PABPC4L: variants seen among roughly 807,000 people sequenced by gnomAD.
The protein encoded by PABPC4L is poly(A) binding protein cytoplasmic 4 like, also known as polyadenylate-binding protein 4-like.
For missense variants in PABPC4L, 452 were observed against 451.4 expected, an observed-to-expected ratio of 1.00 and a Z score of -0.01; for synonymous variants, 169 against 164.1, an observed-to-expected ratio of 1.03 and a Z score of -0.23.
the PABPC4L span, among the ~76,000 whole-genome samples, chr4:133,981,204 G>A: frequency 2.0e-5 from 3 of 151,980 alleles, no homozygotes; most frequent in Non-Finnish European, 2.9e-5. Flanking sequence ...GATCCACTAT[G>A]TTGAGTAAAG....
At position 134,200,092 on chromosome 4, in the gene PABPC4L, G is replaced by A; in HGVS notation, c.928C>T (p.Arg310Ter). The A allele has an allele frequency of 6.4e-7, 1 of 1,551,594 alleles. No homozygotes were observed. Among genetic ancestry groups the A allele is most frequent in the Non-Finnish European group, 8.7e-7 (1 of 1,146,956 alleles). ...GATCCAAATGAAGAAAATTCGTTTCGTAGTTTTTCATCATCGATGGTGTCA... is the reference window on the plus strand; with the variant it reads ...GATCCAAATGAAGAAAATTCGTTTCATAGTTTTTCATCATCGATGGTGTCA... ...LDDTIDDEKL[R>*]NEFSSFGSIS... The change falls in exon 2 of 2, where the codon CGA becomes TGA. Residue 310 changes from arginine (R) to a stop codon, truncating the protein, a stop_gained. Transcript: ENST00000421491. LOFTEE classifies it low-confidence loss of function (END_TRUNC).
chr4:134,175,441 T>C, the PABPC4L span, among the ~76,000 whole-genome samples: 2 of 152,016 alleles, frequency 1.3e-5, no homozygotes, highest in South Asian at 2.1e-4. Flanking sequence ...ATTAATTAAT[T>C]AATCAATCAA....
the PABPC4L span, among the ~76,000 whole-genome samples, chr4:134,018,481 C>T: frequency 3.3e-5 from 5 of 152,134 alleles, no homozygotes; most frequent in Non-Finnish European, 5.9e-5. Flanking sequence ...TAGTACCCAA[C>T]AGGTACTTTT....
chr4:133,993,499 G>A, the PABPC4L span, among the ~76,000 whole-genome samples: 7 of 152,040 alleles, frequency 4.6e-5, no homozygotes, highest in African/African-American at 1.4e-4. Context: ...AGTGAGAATT[G>A]GTATCAACAG....
At chr4:133,981,377 G>A in the PABPC4L span, among the ~76,000 whole-genome samples, 1 of 151,976 alleles carries the variant, frequency 6.6e-6, no homozygotes, top group Non-Finnish European at 1.5e-5. Flanking sequence ...ATCTTGTATT[G>A]ACTGAAAAAT....
the PABPC4L span, among the ~76,000 whole-genome samples, chr4:133,988,890 T>A: frequency 1.3e-5 from 2 of 152,152 alleles, no homozygotes; most frequent in Non-Finnish European, 2.9e-5. Context: ...GAAGTCTAGG[T>A]GGAGGTTCCC....
chr4:134,193,443 GACTT>G (rs1200755034), downstream of PABPC4L, among the ~76,000 whole-genome samples: 1 of 151,808 alleles, frequency 6.6e-6, no homozygotes, highest in Non-Finnish European at 1.5e-5. Context: ...TTTTCCAAGA[GACTT>G]ACTCTTTTTC....
At chr4:133,973,747 C>T in the PABPC4L span, among the ~76,000 whole-genome samples, 19 of 152,232 alleles carry the variant, frequency 1.2e-4, 1 homozygote, top group Admixed American at 1.2e-3. Context: ...TCAGTGTTAA[C>T]AATGCATATA....
chr4:134,080,009 A>G, the PABPC4L span, among the ~76,000 whole-genome samples: 2 of 152,126 alleles, frequency 1.3e-5, no homozygotes, highest in South Asian at 2.1e-4. Flanking sequence ...TTTATTATAA[A>G]TTACTTTTAA....
the PABPC4L span, among the ~76,000 whole-genome samples, chr4:134,158,104 T>C: frequency 6.6e-6 from 1 of 151,890 alleles, no homozygotes; most frequent in Non-Finnish European, 1.5e-5. Context: ...GTAAATGAAA[T>C]TAAATTTTAC....
rs533037934 is a variant in PABPC4L at position 134,199,685 on chromosome 4, A to T, written c.*222T>A. On this transcript the variant is annotated 3_prime_UTR_variant, in exon 2 of 2. Coordinates refer to ENST00000421491, the MANE Select transcript of PABPC4L (RefSeq NM_001114734.2). ...TATCAAAATAAGAAAAATGTGCAAT[A>T]TTAAAATTAGAAAATGTGCCTCTGT... 27 of 527,610 alleles carry T rather than the reference A, an allele frequency of 5.1e-5. No homozygotes were observed. Among genetic ancestry groups the T allele is most frequent in the African/African-American group, 4.8e-4 (25 of 51,768 alleles). 32.7% of individuals were successfully genotyped at this position (527,610 alleles called of 1,614,324 possible).
chr4:134,128,438 A>G, the PABPC4L span, among the ~76,000 whole-genome samples: 1 of 152,158 alleles, frequency 6.6e-6, no homozygotes, highest in Non-Finnish European at 1.5e-5. Context: ...CTATAAAGGA[A>G]AATCAACTGC....
the PABPC4L span, among the ~76,000 whole-genome samples, chr4:134,133,125 T>TATTA: frequency 5.8e-5 from 1 of 17,252 alleles, no homozygotes; most frequent in African/African-American, 5.9e-4. Context: ...ATATAATATA[T>TATTA]CATATTACAT....
At chr4:134,158,677 A>C in the PABPC4L span, among the ~76,000 whole-genome samples, 1 of 152,260 alleles carries the variant, frequency 6.6e-6, no homozygotes, top group South Asian at 2.1e-4. Flanking sequence ...AAAGTATAAT[A>C]GCTTTGCTAG....
the PABPC4L span, among the ~76,000 whole-genome samples, chr4:134,182,628 G>C: frequency 1.3e-5 from 2 of 151,878 alleles, no homozygotes; most frequent in African/African-American, 4.8e-5. Context: ...AAGAGTTTTT[G>C]CACAGGAAAA....
the PABPC4L span, among the ~76,000 whole-genome samples, chr4:134,143,277 A>G: frequency 1.3e-5 from 2 of 150,214 alleles, no homozygotes; most frequent in Non-Finnish European, 1.5e-5. Flanking sequence ...AAGCATACTA[A>G]ATATAATAAA....
At chr4:134,121,752 C>T in the PABPC4L span, among the ~76,000 whole-genome samples, 3 of 151,696 alleles carry the variant, frequency 2.0e-5, no homozygotes, top group South Asian at 2.1e-4. Flanking sequence ...TGAGGACTAA[C>T]GCCATGCTGA....
chr4:134,069,647 GT>G, the PABPC4L span, among the ~76,000 whole-genome samples: 1 of 152,118 alleles, frequency 6.6e-6, no homozygotes. Flanking sequence ...AATTTTTGAA[GT>G]GAGTTTTTCA....
chr4:134,137,528 A>G, the PABPC4L span, among the ~76,000 whole-genome samples: 1 of 151,896 alleles, frequency 6.6e-6, no homozygotes, highest in Admixed American at 6.6e-5. Flanking sequence ...CGGCATTCTT[A>G]ACCTGAATTT....
Sources: gnomAD v4.1 joint callset for allele counts (sites outside exome capture counted in the v4.1 genomes callset) on GRCh38, gnomAD v4.1.1 for gene constraint, MANE v1.5 for transcripts, NCBI Gene and HGNC (gene_info 2026-07-23, HGNC 2026-07-21) for gene names.